The following CHD7 variants were observed in gnomAD, a reference collection of about 807,000 sequenced individuals.
CHD7 encodes the protein chromodomain helicase DNA binding protein 7.
Under a neutral mutation model 307.3 loss-of-function variants are expected in CHD7, and 24 were observed. That is an observed-to-expected ratio of 0.08 (90% CI 0.06 to 0.11). The LOEUF (loss-of-function observed/expected upper bound fraction) is 0.11, where lower values mean the gene tolerates loss of function less well. Ranked by LOEUF, CHD7 falls within the 10% of genes least tolerant of loss-of-function variation. The probability of loss-of-function intolerance (pLI) is 1.00; values close to 1 mark genes in which losing one functional copy is unlikely to be tolerated. For missense variants in CHD7, 3,106 were observed against 3,727.1 expected (o/e 0.83, Z 4.34); for synonymous variants, 1,363 against 1,349.9 (o/e 1.01, Z -0.21).
intron 1 of CHD7, among the ~76,000 whole-genome samples, chr8:60,682,607 C>A (rs948704732): frequency 3.3e-5 from 5 of 152,164 alleles, no homozygotes; most frequent in African/African-American, 1.2e-4. Flanking sequence ...ATTCAGCAAA[C>A]CTTGGCAAGC....
At position 60,839,370 on chromosome 8, in the gene CHD7, A is replaced by T. The variant is rs560770507; in HGVS notation, c.4533+1115A>T. Among the ~76,000 whole-genome samples the T allele has an allele frequency of 2.2e-4, 33 of 152,318 alleles. 1 individual carries two copies. The highest frequency in any genetic ancestry group is 1.5e-3 in the Admixed American group (23 of 15,308). ...TGGGTTGTTTTTACTATTGGCTATT[A>T]TGAAGAATGTTGTTATGGATATTTG... is the stretch of plus-strand genomic sequence containing the variant. On this transcript the variant is annotated intron_variant, in intron 19 of 37. Coordinates refer to ENST00000423902, the MANE Select transcript of CHD7 (RefSeq NM_017780.4).
At chr8:60,710,491 C>T (rs757322886) in intron 1 of CHD7, among the ~76,000 whole-genome samples, 3 of 152,164 alleles carry the variant, frequency 2.0e-5, no homozygotes, top group Admixed American at 1.3e-4. Flanking sequence ...GCCTTTCTAA[C>T]GTGCAATTGA....
At chr8:60,781,834 C>T (rs903320117) in intron 3 of CHD7, among the ~76,000 whole-genome samples, 2 of 152,214 alleles carry the variant, frequency 1.3e-5, no homozygotes, top group African/African-American at 4.8e-5. Flanking sequence ...TCCAGCCCTT[C>T]TTCCCAGAGG....
chr8:60,710,235 T>A (rs1352439461), intron 1 of CHD7, among the ~76,000 whole-genome samples: 1 of 37,534 alleles, frequency 2.7e-5, no homozygotes, highest in Non-Finnish European at 6.5e-5. Context: ...AAATGAAAAC[T>A]TTTTTTTTTT....
chr8:60,727,336 C>T (rs1808219722), intron 1 of CHD7, among the ~76,000 whole-genome samples: 1 of 152,118 alleles, frequency 6.6e-6, no homozygotes, highest in Non-Finnish European at 1.5e-5. Context: ...CCATGTTGAC[C>T]AGGCTGGTCT....
chr8:60,852,289 C>T (rs1805489151), intron 29 of CHD7, 42 bp downstream of exon 29: 2 of 1,541,984 alleles, frequency 1.3e-6, no homozygotes, highest in Admixed American at 1.7e-5. Flanking sequence ...CGGTACATGC[C>T]CCTCTGCCCT....
chr8:60,735,261 GTGTTAC>G (rs1237258411), intron 1 of CHD7, among the ~76,000 whole-genome samples: 1 of 152,218 alleles, frequency 6.6e-6, no homozygotes, highest in African/African-American at 2.4e-5. Flanking sequence ...GATGGAGATG[GTGTTAC>G]TGTCATAGCG....
chr8:60,708,821 C>A (rs1807142609), intron 1 of CHD7, among the ~76,000 whole-genome samples: 1 of 152,222 alleles, frequency 6.6e-6, no homozygotes, highest in African/African-American at 2.4e-5. Context: ...CCGAATGCAA[C>A]TTCCTTACCT....
intron 8 of CHD7, among the ~76,000 whole-genome samples, chr8:60,819,119 T>C (rs1803897956): frequency 6.6e-6 from 1 of 152,038 alleles, no homozygotes; most frequent in Admixed American, 6.6e-5. Flanking sequence ...ATGCCCAGCT[T>C]ATTTTTTGTA....
At chr8:60,786,538 G>C (rs1227327731) in intron 3 of CHD7, among the ~76,000 whole-genome samples, 1 of 152,088 alleles carries the variant, frequency 6.6e-6, no homozygotes, top group Admixed American at 6.5e-5. Flanking sequence ...AGGTGGTGTA[G>C]ATCCCACTTT....
rs749368541 is a variant in CHD7, at chr8:60,848,497, C to A, written c.5211-18C>A. The stretch of plus-strand genomic sequence containing the variant: ...CCTGAAGTTAAGAACTTTTTCCCCC[C>A]TCTGTCTTCCTCTCCAGGGTCCTGC... On this transcript the variant is annotated intron_variant, in intron 23 of 37. Coordinates refer to ENST00000423902, the MANE Select transcript of CHD7 (RefSeq NM_017780.4). 5.0e-6 allele frequency: 8 copies of A among 1,597,776 alleles called. No homozygotes were observed. Among genetic ancestry groups the A allele is most frequent in the Non-Finnish European group, 6.0e-6 (7 of 1,168,866 alleles).
chr8:60,857,818 T>G (rs1161851126), intron 34 of CHD7, among the ~76,000 whole-genome samples: 2 of 152,352 alleles, frequency 1.3e-5, no homozygotes, highest in Middle Eastern at 3.4e-3. Flanking sequence ...TTCTATTTCT[T>G]GAACTCAGAG....
At chr8:60,710,497 A>G (rs1021573264) in intron 1 of CHD7, among the ~76,000 whole-genome samples, 2 of 152,190 alleles carry the variant, frequency 1.3e-5, no homozygotes, top group Non-Finnish European at 2.9e-5. Flanking sequence ...CTAACGTGCA[A>G]TTGATTTCAG....
At position 60,841,980 on chromosome 8, in the gene CHD7, G is replaced by A. The variant is rs766632082; in HGVS notation, c.4778G>A (p.Arg1593His). Residue 1593 changes from arginine (R) to histidine (H), a missense_variant, in exon 21 of 38, where the codon CGT (arginine) becomes CAT (histidine). By Grantham distance (29) the Arg-to-His change is conservative. Coordinates refer to ENST00000423902, the MANE Select transcript of CHD7 (RefSeq NM_017780.4). ...SEEKPCAKPR[R>H]PQDKSQGYAR... is the part of the protein sequence containing the mutation. ...GAAAAGCCCTGTGCAAAGCCACGGC[G>A]TCCCCAGGATAAGTCACAGGGCTAT... The A allele has an allele frequency of 1.4e-5, 22 of 1,613,676 alleles. No individual in the cohort carries two copies. Among genetic ancestry groups the A allele is most frequent in the Admixed American group, 3.3e-5 (2 of 59,964 alleles).
intron 2 of CHD7, among the ~76,000 whole-genome samples, chr8:60,766,795 C>G (rs147412025): frequency 9.5e-4 from 144 of 152,272 alleles, no homozygotes; most frequent in African/African-American, 3.1e-3. Flanking sequence ...GCTGGGATAT[C>G]TGCATGGGTA....
intron 23 of CHD7, among the ~76,000 whole-genome samples, chr8:60,846,964 C>T (rs2150797300): frequency 6.6e-6 from 1 of 152,312 alleles, no homozygotes; most frequent in Middle Eastern, 3.4e-3. Context: ...CTTTTGGTAT[C>T]TCAGAAACTT....
chr8:60,865,917 A>G lies in CHD7; in HGVS notation c.8978A>G (p.Asn2993Ser), dbSNP rs1806227063. 5 of 1,601,130 alleles carry G rather than the reference A, an allele frequency of 3.1e-6. No homozygotes were observed. Among genetic ancestry groups the G allele is most frequent in the African/African-American group, 1.3e-5 (1 of 74,760 alleles). Residue 2993 changes from asparagine to serine, a missense_variant, in exon 38 of 38, where the codon AAT becomes AGT. Physicochemically the swap from Asn to Ser is conservative, Grantham distance 46. Around this residue, in one of 10 missense-constraint regions of CHD7, gnomAD observed 351 missense variants for 366.2 expected, o/e 0.96. Coordinates refer to ENST00000423902, the MANE Select transcript of CHD7 (RefSeq NM_017780.4). This position sits in a 1 kb window ranked among gnomAD's most constrained non-coding sequence, Gnocchi z 4.3. ...GATGGGGGGGATGAAATAGAAAACA[A>G]TGAAAATGATGAATAACCAGTACCA... ...SLDGGDEIEN[N>S]ENDE
rs1291162127 is a variant in CHD7, at chr8:60,856,484, A to T, written c.7204A>T (p.Arg2402Trp). 1.2e-6 allele frequency: 2 copies of T among 1,613,416 alleles called. No individual in the cohort carries two copies. The highest frequency in any genetic ancestry group is 1.7e-6 in the Non-Finnish European group (2 of 1,179,696). Reference sequence around the variant, plus strand: ...CCTCTCTGTCCCTCGCCAGCGGAGGAGGAGGAGGAGAAAAATCGAAATTGA... The same window carrying T: ...CCTCTCTGTCCCTCGCCAGCGGAGGTGGAGGAGGAGAAAAATCGAAATTGA... ...LNLSVPRQRR[R>W]RRRKIEIEAE... Residue 2402 changes from arginine (R) to tryptophan (W), a missense_variant, in exon 34 of 38, where the codon AGG (arginine) becomes TGG (tryptophan). Arg to Trp is a moderately radical substitution (Grantham distance 101, BLOSUM62 -3). Transcript: ENST00000423902.
intron 1 of CHD7, among the ~76,000 whole-genome samples, chr8:60,699,118 G>A (rs1586178998): frequency 6.6e-6 from 1 of 152,210 alleles, no homozygotes; most frequent in East Asian, 1.9e-4. Flanking sequence ...TGCAACTTGA[G>A]AGCAATTAGA....
Sources: allele counts gnomAD v4.1 joint callset (sites outside exome capture counted in the v4.1 genomes callset), GRCh38; gene constraint gnomAD v4.1.1; regional missense constraint gnomAD v4.1.1; non-coding constraint Gnocchi (gnomAD v3.1); transcripts MANE v1.5; gene names NCBI Gene and HGNC (gene_info 2026-07-23, HGNC 2026-07-21).